LRRIQ1: variants seen among roughly 807,000 people sequenced by gnomAD.
LRRIQ1 encodes the protein leucine-rich repeat- and IQ domain-containing protein 1.
A neutral mutation model predicts 211.9 loss-of-function variants in LRRIQ1; 210 were observed. The observed-to-expected ratio is 0.99, with a 90% CI of 0.89 to 1.11. The LOEUF is 1.11. Ranked by LOEUF, LRRIQ1 falls within the 50% of genes most tolerant of loss-of-function variation. The pLI, the probability that LRRIQ1 is intolerant of heterozygous loss-of-function variation, is 0.00. For synonymous variants in LRRIQ1, 699 were observed against 650.1 expected, an observed-to-expected ratio of 1.08 and a Z score of -1.14; for missense variants, 2,136 against 1,939.5, an observed-to-expected ratio of 1.10 and a Z score of -1.90.
chr12:85,143,498 A>G (rs1475084400), intron 19 of LRRIQ1, among the ~76,000 whole-genome samples: 3 of 151,414 alleles, frequency 2.0e-5, no homozygotes, highest in Non-Finnish European at 4.4e-5. Context: ...TTTGTTATCT[A>G]TCTTTGCTTT....
intron 12 of LRRIQ1, 56 bp from the exon 13 acceptor site, chr12:85,098,811 G>T: frequency 7.7e-7 from 1 of 1,299,878 alleles, no homozygotes; most frequent in Non-Finnish European, 1.0e-6. Flanking sequence ...TTTTAATTGG[G>T]CTAAATGATA....
At chr12:85,248,767 A>G (rs1048214290), downstream of LRRIQ1, among the ~76,000 whole-genome samples, 1 of 151,850 alleles carries the variant, frequency 6.6e-6, no homozygotes, top group Non-Finnish European at 1.5e-5. Context: ...ATTTGTGCCT[A>G]GAATGACATT....
intron 19 of LRRIQ1, among the ~76,000 whole-genome samples, chr12:85,148,128 T>G (rs539255609): frequency 4.0e-5 from 6 of 151,886 alleles, no homozygotes; most frequent in African/African-American, 7.2e-5. Context: ...TCCTCGGTTG[T>G]AATTTAAAGA....
At chr12:85,230,875 C>A (rs1423719414) in intron 25 of LRRIQ1, among the ~76,000 whole-genome samples, 1 of 151,510 alleles carries the variant, frequency 6.6e-6, no homozygotes, top group East Asian at 1.9e-4. Context: ...CAGTGAAACC[C>A]CGTCTCTACT....
rs1889268242 is a variant in LRRIQ1, at chr12:85,138,116, C to T, written c.4329+147C>T. On this transcript the variant is annotated intron_variant, in intron 19 of 26. Coordinates refer to ENST00000393217, the MANE Select transcript of LRRIQ1 (RefSeq NM_001079910.2). The stretch of plus-strand genomic sequence containing the variant: ...ATTGAGAAACTTTTCCTAACATCAT[C>T]TTCTTTTATCCTACAAGCTTGTATA... 9.2e-6 allele frequency: 5 copies of T among 545,558 alleles called. No individual in the cohort carries two copies. The South Asian group carries it at 1.5e-4, about 17-fold the overall frequency. 33.8% of individuals were successfully genotyped at this position (545,558 alleles called of 1,614,324 possible). A position where few individuals can be genotyped will look rare whatever the true frequency, so the allele number is the denominator to read the frequency against.
chr12:85,193,634 T>C (rs1244064918), intron 24 of LRRIQ1, among the ~76,000 whole-genome samples: 1 of 150,852 alleles, frequency 6.6e-6, no homozygotes, highest in Non-Finnish European at 1.5e-5. Flanking sequence ...AGAGATTTTG[T>C]CACCACCAGA....
intron 7 of LRRIQ1, among the ~76,000 whole-genome samples, chr12:85,054,235 C>T (rs542657588): frequency 7.6e-4 from 116 of 152,142 alleles, no homozygotes; most frequent in Non-Finnish European, 1.4e-3. Flanking sequence ...TACACAATTT[C>T]CAAGGAGGAG....
At chr12:85,237,365 G>C (rs545988670) in intron 26 of LRRIQ1, among the ~76,000 whole-genome samples, 2 of 152,182 alleles carry the variant, frequency 1.3e-5, no homozygotes, top group East Asian at 3.9e-4. Context: ...TAGTTTCACT[G>C]AGTTGAAAAG....
chr12:85,174,419 G>A (rs749086886), intron 24 of LRRIQ1, among the ~76,000 whole-genome samples: 15 of 151,772 alleles, frequency 9.9e-5, no homozygotes, highest in Admixed American at 3.9e-4. Context: ...ATCCAGGCCC[G>A]AAGCAGTGGC....
intron 11 of LRRIQ1, among the ~76,000 whole-genome samples, chr12:85,076,056 A>T (rs558881891): frequency 1.3e-5 from 2 of 152,228 alleles, no homozygotes; most frequent in Non-Finnish European, 2.9e-5. Flanking sequence ...CATAATTAAG[A>T]TTACTACTAT....
intron 24 of LRRIQ1, among the ~76,000 whole-genome samples, chr12:85,192,512 AT>A (rs1193514476): frequency 8.1e-6 from 1 of 123,830 alleles, no homozygotes; most frequent in Non-Finnish European, 1.6e-5. Flanking sequence ...ATATAAATAT[AT>A]ATAGTTATAT....
rs1233358508 is a variant in LRRIQ1 at position 85,073,019 on chromosome 12, A to G, written c.2808A>G (p.Leu936=). The G allele has an allele frequency of 1.2e-6, 2 of 1,612,322 alleles. No homozygotes were observed. Among genetic ancestry groups the G allele is most frequent in the Non-Finnish European group, 1.7e-6 (2 of 1,178,814 alleles). ...CACAAGTCTGGATTCCAACTGGATTATGTTGGTCCTGGATACCTATTACCT... is the reference window on the plus strand; with the variant it reads ...CACAAGTCTGGATTCCAACTGGATTGTGTTGGTCCTGGATACCTATTACCT... ...SLAQVWIPTG[L]CWSWIPITSL... is the part of the protein sequence containing the mutation. The change falls in exon 11 of 27, where the codon TTA becomes TTG. Residue 936 remains leucine (L), a synonymous_variant. Coordinates refer to ENST00000393217, the MANE Select transcript of LRRIQ1 (RefSeq NM_001079910.2).
Position 85,183,699 on chromosome 12 carries a change from T to C in LRRIQ1, c.4822+22985T>C, listed in dbSNP as rs377324694. On this transcript the variant is annotated intron_variant, in intron 24 of 26. Coordinates refer to ENST00000393217, the MANE Select transcript of LRRIQ1 (RefSeq NM_001079910.2). ...TTTTAAATCCACTTTAGAAGAAACA[T>C]AGCATAAAGAAATAATTTTTAGTTC... Among the ~76,000 whole-genome samples, 22 of 152,256 alleles carry C rather than the reference T, an allele frequency of 1.4e-4. No individual in the cohort carries two copies. In the East Asian group the frequency reaches 3.1e-3, roughly 21 times the overall value.
At chr12:85,113,543 C>A (rs2136365858) in intron 15 of LRRIQ1, among the ~76,000 whole-genome samples, 1 of 152,118 alleles carries the variant, frequency 6.6e-6, no homozygotes, top group South Asian at 2.1e-4. Flanking sequence ...AATAGACACC[C>A]CAAAATATTT....
At position 85,055,707 on chromosome 12, in the gene LRRIQ1, C is replaced by T; in HGVS notation, c.914C>T (p.Pro305Leu). 2 of 1,607,250 alleles carry T rather than the reference C, an allele frequency of 1.2e-6. No individual in the cohort carries two copies. Among genetic ancestry groups the T allele is most frequent in the African/African-American group, 1.3e-5 (1 of 74,326 alleles). ...KAFVAYQKYG[P>L]IIKEQIESKK... ...TTTGTTGCCTATCAAAAATATGGCC[C>T]AATTATTAAAGAGCAAATTGAAAGT... Residue 305 changes from proline (P) to leucine (L), a missense_variant, in exon 8 of 27, where the codon CCA becomes CTA. By Grantham distance (98) the Pro-to-Leu change is moderately conservative. Coordinates refer to ENST00000393217, the MANE Select transcript of LRRIQ1 (RefSeq NM_001079910.2).
intron 4 of LRRIQ1, among the ~76,000 whole-genome samples, chr12:85,045,017 G>A (rs937098242): frequency 2.0e-5 from 3 of 151,914 alleles, no homozygotes; most frequent in African/African-American, 7.2e-5. Flanking sequence ...AATATTAAAA[G>A]TGGTGGGTTG....
chr12:85,081,723 C>CTTTTTTTT lies in LRRIQ1; in HGVS notation c.2887+8638_2887+8645dup, dbSNP rs766961193. Among the ~76,000 whole-genome samples, 43 of 113,436 alleles carry CTTTTTTTT rather than the reference C, an allele frequency of 3.8e-4. 1 individual carries two copies. The highest frequency in any genetic ancestry group is 1.1e-3 in the African/African-American group (29 of 27,608). 74.4% of individuals were successfully genotyped at this position (113,436 alleles called of 152,430 possible). ...TTTATGCCCTTTATTTCTTCTTCTT[C>CTTTTTTTT]TTTTTTTTTTTTTTTTTTTTGAGAC... On this transcript the variant is annotated intron_variant, in intron 11 of 26. Coordinates refer to ENST00000393217, the MANE Select transcript of LRRIQ1 (RefSeq NM_001079910.2).
intron 11 of LRRIQ1, among the ~76,000 whole-genome samples, chr12:85,086,387 G>C (rs979812755): frequency 2.6e-5 from 4 of 151,930 alleles, no homozygotes; most frequent in African/African-American, 9.7e-5. Flanking sequence ...CGTGAGGTCT[G>C]GTGGTTTAAA....
chr12:85,052,830 G>A (rs141443296), intron 7 of LRRIQ1, among the ~76,000 whole-genome samples: 1,929 of 152,140 alleles, frequency 0.013, 24 homozygotes, highest in Middle Eastern at 0.02. Flanking sequence ...GGTTAAGCAT[G>A]TAAAGAGACA....
Sources: allele counts gnomAD v4.1 joint callset (sites outside exome capture counted in the v4.1 genomes callset), GRCh38; gene constraint gnomAD v4.1.1; transcripts MANE v1.5; gene names NCBI Gene and HGNC (gene_info 2026-07-23, HGNC 2026-07-21).